Variants in SPOP observed in about 807,000 individuals in gnomAD.
SPOP encodes speckle-type POZ protein.
In SPOP, 11 loss-of-function variants were observed where a neutral mutation model predicts 45.6. That is an observed-to-expected ratio of 0.24 (90% CI 0.15 to 0.40). SPOP has a LOEUF of 0.40. Ranked by LOEUF, SPOP falls within the 10% of genes least tolerant of loss-of-function variation. The pLI, the probability that SPOP is intolerant of heterozygous loss-of-function variation, is 1.00. For missense variants in SPOP, 152 were observed against 465.6 expected, an observed-to-expected ratio of 0.33 and a Z score of 6.20; for synonymous variants, 166 against 166.3, an observed-to-expected ratio of 1.00 and a Z score of 0.01.
chr17:49,602,881 C>T (rs2071765418), intron 8 of SPOP, among the ~76,000 whole-genome samples: 1 of 152,164 alleles, frequency 6.6e-6, no homozygotes, highest in Admixed American at 6.5e-5. Context: ...GGTTCAGATA[C>T]AGCTCTACCA....
chr17:49,637,539 C>T (rs1291831574), intron 1 of SPOP, among the ~76,000 whole-genome samples: 6 of 152,084 alleles, frequency 3.9e-5, no homozygotes, highest in African/African-American at 7.2e-5. Context: ...TTAATAGAGA[C>T]GGGATTTTGT....
At chr17:49,658,614 T>C (rs1219662760) in intron 1 of SPOP, among the ~76,000 whole-genome samples, 1 of 152,204 alleles carries the variant, frequency 6.6e-6, no homozygotes, top group Non-Finnish European at 1.5e-5. Context: ...TGAAGGGAGT[T>C]TCTCACCTAT....
intron 5 of SPOP, among the ~76,000 whole-genome samples, chr17:49,616,545 G>A (rs1265775034): frequency 6.6e-6 from 1 of 152,138 alleles, no homozygotes; most frequent in East Asian, 1.9e-4. Context: ...AGGTCAAAGG[G>A]ATAAAATGTG....
At chr17:49,605,479 C>T (rs1044170214) in intron 8 of SPOP, among the ~76,000 whole-genome samples, 1 of 152,060 alleles carries the variant, frequency 6.6e-6, no homozygotes, top group African/African-American at 2.4e-5. Flanking sequence ...CACTTGAGGT[C>T]AGGAGTTCGA....
chr17:49,611,540 C>T, intron 5 of SPOP, 83 bp from the exon 6 acceptor site: 1 of 1,237,064 alleles, frequency 8.1e-7, no homozygotes, highest in South Asian at 1.2e-5. Context: ...TACCTAACTG[C>T]TGTAGTACAT....
Position 49,619,171 on chromosome 17 carries a change from T to C in SPOP, c.352+63A>G. 6.2e-7 allele frequency: 1 copy of C among 1,613,614 alleles called. No individual in the cohort carries two copies. The highest frequency in any genetic ancestry group is 8.5e-7 in the Non-Finnish European group (1 of 1,179,846). On this transcript the variant is annotated intron_variant, in intron 4 of 9. Transcript: ENST00000504102. The surrounding 1 kb of genome is among the most constrained non-coding windows in gnomAD (Gnocchi z 4.9). The stretch of plus-strand genomic sequence containing the variant: ...GCAAAAACCAGATCAAAGCCACAAC[T>C]TGTCAGTGTATGAAACTTCTGGATG...
rs117870541 is a variant in SPOP, at chr17:49,624,029, A to G, written c.-66-1153T>C. ...CAGACCATTCTCCAATAACTGTTAT[A>G]TATCTCAATGGGGTGTCTCAGTAGC... On this transcript the variant is annotated intron_variant, in intron 1 of 9. Coordinates refer to ENST00000504102, the MANE Select transcript of SPOP (RefSeq NM_001007228.2). Among the ~76,000 whole-genome samples the G allele has an allele frequency of 4.3e-3, 662 of 152,248 alleles. 3 individuals are homozygous for G. The highest frequency in any genetic ancestry group is 5.1e-3 in the Non-Finnish European group (350 of 68,020).
intron 1 of SPOP, among the ~76,000 whole-genome samples, chr17:49,630,612 A>C (rs115448731): frequency 1.2e-5 from 1 of 86,010 alleles, no homozygotes; most frequent in Non-Finnish European, 2.4e-5. Context: ...GTTTTCTTTA[A>C]ATTTTTTTTA....
intron 5 of SPOP, among the ~76,000 whole-genome samples, chr17:49,615,295 G>A (rs2072061172): frequency 6.6e-6 from 1 of 151,986 alleles, no homozygotes; most frequent in Non-Finnish European, 1.5e-5. Context: ...AGAGGTTCTG[G>A]GATTATCTAC....
At chr17:49,668,759 T>A (rs890111378) in intron 1 of SPOP, among the ~76,000 whole-genome samples, 18 of 151,684 alleles carry the variant, frequency 1.2e-4, no homozygotes, top group South Asian at 8.3e-4. Flanking sequence ...ATATATACAC[T>A]CATATATATA....
rs113501323 is a variant in SPOP, at chr17:49,607,865, G to A, written c.714+9C>T. ...GGCTAAACAGACATGTCTTCATCTT[G>A]TTACATACCTTTTTGCTCTCCTCCA... On this transcript the variant is annotated intron_variant, in intron 7 of 9. Coordinates refer to ENST00000504102, the MANE Select transcript of SPOP (RefSeq NM_001007228.2). 6.2e-7 allele frequency: 1 copy of A among 1,610,218 alleles called. No homozygotes were observed. Among genetic ancestry groups the A allele is most frequent in the African/African-American group, 1.3e-5 (1 of 74,900 alleles).
intron 1 of SPOP, chr17:49,636,912 G>C (rs961210663): frequency 6.6e-6 from 1 of 152,096 alleles, no homozygotes; most frequent in Non-Finnish European, 1.5e-5. Flanking sequence ...TCTCACAAAA[G>C]CAGGTGATAT....
chr17:49,639,870 T>G (rs1388810093), intron 1 of SPOP, among the ~76,000 whole-genome samples: 2 of 151,650 alleles, frequency 1.3e-5, no homozygotes, highest in Non-Finnish European at 2.9e-5. Flanking sequence ...TAGGTCTAAC[T>G]GGTGGTTACC....
chr17:49,635,822 T>C (rs1279157492), intron 1 of SPOP, among the ~76,000 whole-genome samples: 3 of 151,614 alleles, frequency 2.0e-5, no homozygotes, highest in African/African-American at 4.9e-5. Flanking sequence ...TTAGTAGAGA[T>C]GGGGTTTCTC....
intron 1 of SPOP, among the ~76,000 whole-genome samples, chr17:49,664,112 G>A (rs1473980660): frequency 1.3e-5 from 2 of 152,152 alleles, no homozygotes; most frequent in East Asian, 3.8e-4. Context: ...TAATGTAACA[G>A]TAACATCAAT....
chr17:49,607,358 G>C lies in SPOP; in HGVS notation c.729C>G (p.Ile243Met). 6.2e-7 allele frequency: 1 copy of C among 1,613,226 alleles called. No homozygotes were observed. The highest frequency in any genetic ancestry group is 8.5e-7 in the Non-Finnish European group (1 of 1,179,482). ...MEESKKNRVEINDVEPEVFKE... is the reference protein window; with the variant it reads ...MEESKKNRVEMNDVEPEVFKE... ...TAAAAACTTCAGGCTCCACATCATT[G>C]ATTTCAACTCGATTCTATGCCAGAA... The change falls in exon 8 of 10, where the codon ATC becomes ATG. Residue 243 changes from isoleucine (I) to methionine (M), a missense_variant. Ile to Met is a conservative substitution (Grantham distance 10). This residue lies in a region of SPOP where 106 missense variants were observed against 255.2 expected (regional missense o/e 0.42). Transcript: ENST00000504102.
intron 5 of SPOP, among the ~76,000 whole-genome samples, chr17:49,616,315 G>C (rs950053546): frequency 6.6e-6 from 1 of 152,120 alleles, no homozygotes; most frequent in East Asian, 1.9e-4. Flanking sequence ...TGAAACAACT[G>C]TATTTATTGT....
At chr17:49,622,590 C>T in intron 2 of SPOP, 143 bp downstream of exon 2, 1 of 695,814 alleles carries the variant, frequency 1.4e-6, no homozygotes, top group Non-Finnish European at 2.4e-6. Context: ...GAACCTGAGG[C>T]TAACAAGTAT....
At chr17:49,649,482 G>A (rs1334208377) in intron 1 of SPOP, among the ~76,000 whole-genome samples, 1 of 151,568 alleles carries the variant, frequency 6.6e-6, no homozygotes, top group Non-Finnish European at 1.5e-5. Flanking sequence ...GTTGCAGTGA[G>A]CTAAGATTGT....
Sources: allele counts gnomAD v4.1 joint callset (sites outside exome capture counted in the v4.1 genomes callset), GRCh38; gene constraint gnomAD v4.1.1; regional missense constraint gnomAD v4.1.1; non-coding constraint Gnocchi (gnomAD v3.1); transcripts MANE v1.5; gene names NCBI Gene and HGNC (gene_info 2026-07-23, HGNC 2026-07-21).